Variants in CYP7B1 observed in about 807,000 individuals in gnomAD.
The protein encoded by CYP7B1 is cytochrome P450 family 7 subfamily B member 1, also known as cytochrome P450 7B1.
CYP7B1 carries 29 observed loss-of-function variants against 42.7 expected under a neutral mutation model. The observed-to-expected ratio is 0.68, with a 90% CI of 0.51 to 0.93. The LOEUF is 0.93. Among genes scored for constraint, CYP7B1 ranks in the 40% least tolerant of loss-of-function variants. The pLI, the probability that CYP7B1 is intolerant of heterozygous loss-of-function variation, is 0.00. For synonymous variants in CYP7B1, 235 were observed against 218.2 expected (o/e 1.08, Z -0.68); for missense variants, 655 against 600.5 (o/e 1.09, Z -0.95).
At chr8:64,665,381 T>C (rs1806258833) in intron 1 of CYP7B1, among the ~76,000 whole-genome samples, 1 of 151,988 alleles carries the variant, frequency 6.6e-6, no homozygotes, top group African/African-American at 2.4e-5. Context: ...CTTTTATATG[T>C]AATAAAAGGG....
chr8:64,768,564 AAAAG>A (rs1804151910), intron 1 of CYP7B1, among the ~76,000 whole-genome samples: 3 of 152,224 alleles, frequency 2.0e-5, no homozygotes, highest in African/African-American at 4.8e-5. Context: ...ATATGAGAGA[AAAAG>A]AAAGAGATCG....
chr8:64,714,151 A>C (rs1180988856), intron 1 of CYP7B1, among the ~76,000 whole-genome samples: 2 of 152,202 alleles, frequency 1.3e-5, no homozygotes, highest in Middle Eastern at 3.2e-3. Context: ...TAACCATGCT[A>C]TATGGCCTCT....
At chr8:64,607,412 A>C (rs1402539603) in intron 4 of CYP7B1, among the ~76,000 whole-genome samples, 1 of 152,120 alleles carries the variant, frequency 6.6e-6, no homozygotes, top group Non-Finnish European at 1.5e-5. Flanking sequence ...AAAAAAAAAA[A>C]AAAACTTTCC....
chr8:64,790,971 G>C (rs1371047534), intron 1 of CYP7B1, among the ~76,000 whole-genome samples: 1 of 152,100 alleles, frequency 6.6e-6, no homozygotes, highest in Non-Finnish European at 1.5e-5. Context: ...CACAAACACA[G>C]GGAGAATTCT....
chr8:64,733,750 C>G (rs1477986358), intron 1 of CYP7B1, among the ~76,000 whole-genome samples: 1 of 152,114 alleles, frequency 6.6e-6, no homozygotes, highest in East Asian at 1.9e-4. Context: ...GCAGGGGGAT[C>G]ACTTGAGGCC....
intron 1 of CYP7B1, among the ~76,000 whole-genome samples, chr8:64,719,724 A>C (rs981587295): frequency 6.6e-6 from 1 of 152,220 alleles, no homozygotes. Context: ...ATTGGGTAAG[A>C]CTTCAATGGG....
intron 1 of CYP7B1, among the ~76,000 whole-genome samples, chr8:64,783,345 A>G (rs977160468): frequency 1.3e-5 from 2 of 152,210 alleles, no homozygotes; most frequent in African/African-American, 4.8e-5. Context: ...CAACAAATCA[A>G]CATTTCAAAA....
intron 1 of CYP7B1, among the ~76,000 whole-genome samples, chr8:64,633,166 TCA>T (rs530833271): frequency 4.0e-4 from 61 of 152,274 alleles, no homozygotes; most frequent in African/African-American, 9.6e-4. Flanking sequence ...ATGTAGATCC[TCA>T]GTGTCTTCAC....
chr8:64,670,134 G>A (rs1272475076), intron 1 of CYP7B1, among the ~76,000 whole-genome samples: 1 of 152,162 alleles, frequency 6.6e-6, no homozygotes, highest in Non-Finnish European at 1.5e-5. Flanking sequence ...TCTGTGCCGT[G>A]CCCTGTTGCC....
chr8:64,663,795 T>C (rs1212433130), intron 1 of CYP7B1, among the ~76,000 whole-genome samples: 1 of 152,126 alleles, frequency 6.6e-6, no homozygotes, highest in Non-Finnish European at 1.5e-5. Context: ...GGACCAAAAA[T>C]TTCATTTCTG....
intron 4 of CYP7B1, among the ~76,000 whole-genome samples, chr8:64,605,987 T>A (rs1326890137): frequency 6.6e-6 from 1 of 152,198 alleles, no homozygotes; most frequent in African/African-American, 2.4e-5. Context: ...ATAAATGTTA[T>A]TTCAGTAAAA....
At chr8:64,790,956 A>C (rs1281612131) in intron 1 of CYP7B1, among the ~76,000 whole-genome samples, 1 of 152,206 alleles carries the variant, frequency 6.6e-6, no homozygotes, top group Non-Finnish European at 1.5e-5. Flanking sequence ...AAATGTAGAC[A>C]CAGACACAAA....
chr8:64,724,033 C>A (rs1325371386), intron 1 of CYP7B1, among the ~76,000 whole-genome samples: 1 of 151,444 alleles, frequency 6.6e-6, no homozygotes, highest in Non-Finnish European at 1.5e-5. Context: ...ATCATATGCC[C>A]ACAGAGAACG....
At chr8:64,725,814 G>A (rs1807315028) in intron 1 of CYP7B1, among the ~76,000 whole-genome samples, 1 of 152,180 alleles carries the variant, frequency 6.6e-6, no homozygotes, top group Non-Finnish European at 1.5e-5. Context: ...TCTGACTGTT[G>A]ATAATCTAGA....
rs867985937 is a variant in CYP7B1 at position 64,596,533 on chromosome 8, C to A, written c.*109G>T. 25 of 1,185,546 alleles carry A rather than the reference C, an allele frequency of 2.1e-5. No individual in the cohort carries two copies. In the East Asian group the frequency reaches 6.1e-4, roughly 29 times the overall value. 73.4% of individuals were successfully genotyped at this position (1,185,546 alleles called of 1,614,324 possible). On this transcript the variant is annotated 3_prime_UTR_variant, in exon 6 of 6. Transcript: ENST00000310193. ...ATATCAGATCAAATAGAAATTAGCG[C>A]TTTTTAAACAAATAAATCAATTACA... is the stretch of plus-strand genomic sequence containing the variant.
At chr8:64,726,068 G>A (rs1364223727) in intron 1 of CYP7B1, among the ~76,000 whole-genome samples, 1 of 152,060 alleles carries the variant, frequency 6.6e-6, no homozygotes, top group Non-Finnish European at 1.5e-5. Context: ...CTGGCCCACT[G>A]GAGTTTAATT....
At chr8:64,723,828 GAAAAAC>G (rs1807280322) in intron 1 of CYP7B1, among the ~76,000 whole-genome samples, 1 of 151,972 alleles carries the variant, frequency 6.6e-6, no homozygotes, top group Non-Finnish European at 1.5e-5. Context: ...AAACAAAGTA[GAAAAAC>G]TGTCGGCCAT....
chr8:64,793,577 A>C (rs1804656886), intron 1 of CYP7B1, among the ~76,000 whole-genome samples: 6 of 152,138 alleles, frequency 3.9e-5, no homozygotes, highest in Admixed American at 3.9e-4. Context: ...ACATGTTATT[A>C]ATGACTTGCT....
chr8:64,665,559 G>GTTTTT (rs540578806), intron 1 of CYP7B1, among the ~76,000 whole-genome samples: 532 of 52,038 alleles, frequency 0.01, 59 homozygotes, highest in Middle Eastern at 0.053. Context: ...TTTTTTGGTG[G>GTTTTT]TTTTTTTTTT....
Sources: gnomAD v4.1 joint callset for allele counts (sites outside exome capture counted in the v4.1 genomes callset) on GRCh38, gnomAD v4.1.1 for gene constraint, MANE v1.5 for transcripts, NCBI Gene and HGNC (gene_info 2026-07-23, HGNC 2026-07-21) for gene names.